Variants in BCL11A observed in about 807,000 individuals in gnomAD.
BCL11A encodes B cell CLL/lymphoma 11A.
In BCL11A, 2 loss-of-function variants were observed where a neutral mutation model predicts 55.9. The ratio of observed to expected loss-of-function variants is 0.04; its 90% CI spans 0.01 to 0.11. The LOEUF is 0.11. BCL11A is among the 10% of genes least tolerant of loss of function. BCL11A has a pLI of 1.00. For synonymous variants in BCL11A, 465 were observed against 473.4 expected, an observed-to-expected ratio of 0.98 and a Z score of 0.23; for missense variants, 817 against 1,137.1, an observed-to-expected ratio of 0.72 and a Z score of 4.05.
intron 2 of BCL11A, among the ~76,000 whole-genome samples, chr2:60,480,215 T>C (rs916597143): frequency 4.6e-5 from 7 of 152,198 alleles, no homozygotes; most frequent in Admixed American, 3.3e-4. Context: ...CACAAAGGCC[T>C]GTAAAGGATA....
At chr2:60,477,365 C>G (rs992359412) in intron 2 of BCL11A, among the ~76,000 whole-genome samples, 8 of 152,194 alleles carry the variant, frequency 5.3e-5, no homozygotes, top group African/African-American at 1.9e-4. Context: ...TCTGCATCAA[C>G]TCACAACAAA....
At chr2:60,488,783 G>C (rs1003928252) in intron 2 of BCL11A, among the ~76,000 whole-genome samples, 8 of 152,160 alleles carry the variant, frequency 5.3e-5, no homozygotes, top group African/African-American at 1.7e-4. Context: ...TTCTGAGGTG[G>C]AGTTTCGCTC....
intron 1 of BCL11A, among the ~76,000 whole-genome samples, chr2:60,548,292 TG>T: frequency 6.7e-6 from 1 of 149,516 alleles, no homozygotes; most frequent in East Asian, 1.9e-4. Flanking sequence ...ATAGAACCTT[TG>T]CAAAAAAAAA....
chr2:60,506,434 C>A (rs186905717), intron 2 of BCL11A, among the ~76,000 whole-genome samples: 1 of 152,218 alleles, frequency 6.6e-6, no homozygotes, highest in African/African-American at 2.4e-5. Flanking sequence ...TGGCTCAGGA[C>A]GCCACATGGG....
At chr2:60,491,057 T>C (rs1395096206) in intron 2 of BCL11A, among the ~76,000 whole-genome samples, 1 of 152,188 alleles carries the variant, frequency 6.6e-6, no homozygotes, top group Non-Finnish European at 1.5e-5. Flanking sequence ...GAAGTTTATG[T>C]GCCAACCAGA....
chr2:60,540,379 G>A (rs1230831139), intron 2 of BCL11A, among the ~76,000 whole-genome samples: 1 of 152,182 alleles, frequency 6.6e-6, no homozygotes, highest in African/African-American at 2.4e-5. Flanking sequence ...GTGCAATAAA[G>A]GGTGTGAACA....
At chr2:60,488,462 G>C (rs577620311) in intron 2 of BCL11A, among the ~76,000 whole-genome samples, 78 of 152,280 alleles carry the variant, frequency 5.1e-4, no homozygotes, top group African/African-American at 1.9e-3. Context: ...GACACACGTA[G>C]GTACTGTCAT....
At chr2:60,462,763 G>A (rs1676388050) in intron 3 of BCL11A, among the ~76,000 whole-genome samples, 1 of 152,214 alleles carries the variant, frequency 6.6e-6, no homozygotes, top group South Asian at 2.1e-4. Context: ...ATCAGCTGTA[G>A]TTTGGGGCAA....
intron 2 of BCL11A, among the ~76,000 whole-genome samples, chr2:60,516,514 G>A (rs1668736166): frequency 6.6e-6 from 1 of 152,180 alleles, no homozygotes; most frequent in Admixed American, 6.5e-5. Context: ...AGAGGGAGGG[G>A]GCACCTTAGG....
At chr2:60,540,366 T>C (rs544769218) in intron 2 of BCL11A, among the ~76,000 whole-genome samples, 2 of 152,356 alleles carry the variant, frequency 1.3e-5, no homozygotes, top group African/African-American at 4.8e-5. Flanking sequence ...AAATGACTTC[T>C]TTGTGCAATA....
intron 3 of BCL11A, among the ~76,000 whole-genome samples, chr2:60,467,164 G>GGTA (rs1676704134): frequency 7.1e-6 from 1 of 139,958 alleles, no homozygotes; most frequent in Non-Finnish European, 1.6e-5. Context: ...TGGTGGTGGT[G>GGTA]GTGATGGTGG....
At chr2:60,535,344 T>A (rs1227433280) in intron 2 of BCL11A, 1 of 152,202 alleles carries the variant, frequency 6.6e-6, no homozygotes, top group African/African-American at 2.4e-5. Context: ...ATAGAGCTTC[T>A]AGTCAAGCCA....
At chr2:60,514,185 G>A (rs1668620736) in intron 2 of BCL11A, among the ~76,000 whole-genome samples, 1 of 152,100 alleles carries the variant, frequency 6.6e-6, no homozygotes, top group Admixed American at 6.6e-5. Flanking sequence ...TTCCAGGCTG[G>A]GCTACCTCCA....
Position 60,462,123 on chromosome 2 carries a change from G to A in BCL11A, c.789C>T (p.Pro263=). 1 of 1,549,672 alleles carries A rather than the reference G, an allele frequency of 6.5e-7. No homozygotes were observed. The highest frequency in any genetic ancestry group is 8.7e-7 in the Non-Finnish European group (1 of 1,149,748). ...GLAEGRFPPT[P]PLFSPPPRHH... is the part of the protein sequence containing the mutation. ...GTCTCGGTGGTGGACTAAACAGGGG[G>A]GGAGTGGGTGGAAAGCGCCCTTCTG... Residue 263 remains proline (P), a synonymous_variant, in exon 4 of 4, where the codon CCC becomes CCT. Coordinates refer to ENST00000642384, the MANE Select transcript of BCL11A (RefSeq NM_022893.4).
chr2:60,510,247 C>T (rs1679906845), intron 2 of BCL11A, among the ~76,000 whole-genome samples: 1 of 152,192 alleles, frequency 6.6e-6, no homozygotes, highest in African/African-American at 2.4e-5. Flanking sequence ...AAAATCCCTG[C>T]TCTACGTCCT....
At chr2:60,541,947 T>C (rs1417399187) in intron 2 of BCL11A, 3 of 697,432 alleles carry the variant, frequency 4.3e-6, no homozygotes, top group African/African-American at 1.8e-5. Flanking sequence ...TCAGAATGGA[T>C]ACAAAAAGAA....
At chr2:60,504,885 A>T (rs985588003) in intron 2 of BCL11A, among the ~76,000 whole-genome samples, 13 of 152,064 alleles carry the variant, frequency 8.5e-5, no homozygotes, top group Non-Finnish European at 1.8e-4. Flanking sequence ...GCTCCAAACT[A>T]TTAAAACAGA....
chr2:60,451,031 G>A (rs1293160072), downstream of BCL11A: 3 of 176,634 alleles, frequency 1.7e-5, no homozygotes, highest in African/African-American at 4.7e-5. Context: ...TACTGATGTG[G>A]CCTCTGGCAA....
chr2:60,467,083 G>A (rs1392193892), intron 3 of BCL11A, among the ~76,000 whole-genome samples: 1 of 150,100 alleles, frequency 6.7e-6, no homozygotes, highest in Non-Finnish European at 1.5e-5. Flanking sequence ...TGGTGGTGGT[G>A]GTGGTGGTGG....
Sources: allele counts gnomAD v4.1 joint callset (sites outside exome capture counted in the v4.1 genomes callset), GRCh38; gene constraint gnomAD v4.1.1; transcripts MANE v1.5; gene names NCBI Gene and HGNC (gene_info 2026-07-23, HGNC 2026-07-21).